USP34: variants seen among roughly 807,000 people sequenced by gnomAD.
USP34 encodes the protein ubiquitin carboxyl-terminal hydrolase 34.
USP34 carries 70 observed loss-of-function variants against 460.3 expected under a neutral mutation model. That is an observed-to-expected ratio of 0.15 (90% confidence interval 0.13 to 0.19). USP34 has a LOEUF of 0.19. Ranked by LOEUF, USP34 falls within the 10% of genes least tolerant of loss-of-function variation. The pLI, the probability that USP34 is intolerant of heterozygous loss-of-function variation, is 1.00. For missense variants in USP34, 3,985 were observed against 4,236.2 expected (o/e 0.94, Z 1.65); for synonymous variants, 1,647 against 1,405.3 (o/e 1.17, Z -3.85).
At chr2:61,414,387 A>G (rs1338309489) in intron 2 of USP34, among the ~76,000 whole-genome samples, 1 of 152,212 alleles carries the variant, frequency 6.6e-6, no homozygotes, top group African/African-American at 2.4e-5. Flanking sequence ...TTCTGCAAGC[A>G]ATTTTCCAAT....
At chr2:61,460,803 A>T (rs562142806) in intron 1 of USP34, among the ~76,000 whole-genome samples, 2 of 151,972 alleles carry the variant, frequency 1.3e-5, no homozygotes, top group African/African-American at 4.8e-5. Flanking sequence ...GCCAACATGG[A>T]GAAACTCTGT....
At position 61,347,857 on chromosome 2, in the gene USP34, G is replaced by A. The variant is rs766527942; in HGVS notation, c.2285+13C>T. 5 of 1,609,168 alleles carry A rather than the reference G, an allele frequency of 3.1e-6. No homozygotes were observed. Among genetic ancestry groups the A allele is most frequent in the Non-Finnish European group, 3.4e-6 (4 of 1,176,762 alleles). On this transcript the variant is annotated intron_variant, in intron 15 of 79. Coordinates refer to ENST00000398571, the MANE Select transcript of USP34 (RefSeq NM_014709.4). Reference sequence around the variant, plus strand: ...GAAATATGAACTGAATATTTATTTTGAAGTAGGCTTACCCATCGTGGTGGT... The same window carrying A: ...GAAATATGAACTGAATATTTATTTTAAAGTAGGCTTACCCATCGTGGTGGT...
At chr2:61,278,057 G>C (rs1344860105) in intron 41 of USP34, 108 bp downstream of exon 41, 3 of 1,338,144 alleles carry the variant, frequency 2.2e-6, no homozygotes, top group Non-Finnish European at 3.1e-6. Context: ...AAACTGCCCA[G>C]TCTCGGGTAT....
intron 1 of USP34, among the ~76,000 whole-genome samples, chr2:61,461,834 G>A (rs999591270): frequency 6.6e-6 from 1 of 152,070 alleles, no homozygotes; most frequent in South Asian, 2.1e-4. Context: ...AAAGAACCAG[G>A]GATGTAGATA....
intron 28 of USP34, 97 bp from the exon 29 acceptor site, chr2:61,301,257 C>G (rs1238149481): frequency 1.3e-6 from 2 of 1,511,786 alleles, no homozygotes; most frequent in Non-Finnish European, 1.8e-6. Flanking sequence ...TTTAATATAA[C>G]AAAGCAATAA....
At chr2:61,409,959 C>CT (rs1431015914) in intron 2 of USP34, among the ~76,000 whole-genome samples, 2 of 151,990 alleles carry the variant, frequency 1.3e-5, no homozygotes, top group Admixed American at 1.3e-4. Context: ...ATAAATAATA[C>CT]TTTTTATTCT....
In USP34 at chr2:61,296,821, G is replaced by C; in HGVS notation, c.4233C>G (p.Phe1411Leu). 2 of 1,613,194 alleles carry C rather than the reference G, an allele frequency of 1.2e-6. No individual in the cohort carries two copies. The highest frequency in any genetic ancestry group is 1.7e-6 in the Non-Finnish European group (2 of 1,179,676). ...TCACCTGCTCATCTGAGATATTCTG[G>C]AATGCCATCAACATATTAGGACATG... ...LPTCPNMLMAFQNISDEQSND... is the reference protein window; with the variant it reads ...LPTCPNMLMALQNISDEQSND... The change falls in exon 30 of 80, where the codon TTC becomes TTG. Residue 1411 changes from phenylalanine (F) to leucine (L), a missense_variant. Phe to Leu is a conservative substitution (Grantham distance 22, BLOSUM62 0). This residue lies in a region of USP34 where 1,114 missense variants were observed against 1,122.5 expected (regional missense o/e 0.99). Transcript: ENST00000398571.
At chr2:61,425,835 C>G (rs566369405) in intron 1 of USP34, among the ~76,000 whole-genome samples, 1 of 151,966 alleles carries the variant, frequency 6.6e-6, no homozygotes, top group South Asian at 2.1e-4. Flanking sequence ...CCCTTCCCCT[C>G]GACAGGCTGC....
chr2:61,353,513 TC>T (rs1692014409), intron 10 of USP34, among the ~76,000 whole-genome samples: 2 of 151,018 alleles, frequency 1.3e-5, no homozygotes. Context: ...TGCCTCAGCC[TC>T]CCAAGTAGCT....
intron 75 of USP34, among the ~76,000 whole-genome samples, chr2:61,195,424 A>G (rs950318865): frequency 2.0e-5 from 3 of 149,944 alleles, no homozygotes; most frequent in East Asian, 2.0e-4. Context: ...CTGTAACCCC[A>G]GCACTTTGGG....
chr2:61,209,105 G>A (rs932359062), intron 69 of USP34, 128 bp from the exon 70 acceptor site: 2 of 451,980 alleles, frequency 4.4e-6, no homozygotes, highest in Non-Finnish European at 7.8e-6. Flanking sequence ...AAAAGAGACT[G>A]CTTCATCTGT....
At chr2:61,247,167 T>G (rs1349794160) in intron 49 of USP34, among the ~76,000 whole-genome samples, 1 of 151,430 alleles carries the variant, frequency 6.6e-6, no homozygotes, top group Admixed American at 6.6e-5. Flanking sequence ...AAATGTAGAG[T>G]GGTCTAATAA....
At chr2:61,369,711 G>A (rs1572975359) in intron 10 of USP34, among the ~76,000 whole-genome samples, 1 of 117,624 alleles carries the variant, frequency 8.5e-6, no homozygotes, top group East Asian at 2.6e-4. Context: ...TTTACAAGAA[G>A]ATAAAAAGCA....
intron 1 of USP34, among the ~76,000 whole-genome samples, chr2:61,423,868 A>C (rs1167714210): frequency 6.6e-6 from 1 of 152,202 alleles, no homozygotes; most frequent in African/African-American, 2.4e-5. Context: ...AACGTGGGAG[A>C]ATGGCTTGAG....
Position 61,396,910 on chromosome 2 carries a change from T to C in USP34, c.553-1677A>G, listed in dbSNP as rs557700836. 3.9e-5 allele frequency among the ~76,000 whole-genome samples: 6 copies of C among 152,308 alleles called. No homozygotes were observed. In the East Asian group the frequency reaches 1.2e-3, roughly 29 times the overall value. On this transcript the variant is annotated intron_variant, in intron 3 of 79. Transcript: ENST00000398571. ...CTGTAAATCTACTGAAAATAAACTG[T>C]ATACTTTAATCAAGTGATTTTTAAG...
intron 10 of USP34, among the ~76,000 whole-genome samples, chr2:61,360,658 T>G (rs551374695): frequency 6.6e-6 from 1 of 152,202 alleles, no homozygotes; most frequent in Non-Finnish European, 1.5e-5. Context: ...AAAATCTCAA[T>G]GGCAGTCTTT....
At position 61,347,935 on chromosome 2, in the gene USP34, A is replaced by G; in HGVS notation, c.2220T>C (p.Asn740=). 6.2e-7 allele frequency: 1 copy of G among 1,614,086 alleles called. No individual in the cohort carries two copies. The highest frequency in any genetic ancestry group is 8.5e-7 in the Non-Finnish European group (1 of 1,180,020). ...GCTGTGGACCAATAAATTGTCGACA[A>G]TTAAATAATTCATTCCCAATAGTCT... The part of the protein sequence containing the change: ...LGETIGNELF[N]CRQFIGPQHH... The change falls in exon 15 of 80, where the codon AAT becomes AAC. Residue 740 remains asparagine (N), a synonymous_variant. Coordinates refer to ENST00000398571, the MANE Select transcript of USP34 (RefSeq NM_014709.4).
chr2:61,191,312 CTCCATAGA>C (rs1396611525), intron 76 of USP34: 1 of 152,144 alleles, frequency 6.6e-6, no homozygotes, highest in Non-Finnish European at 1.5e-5. Context: ...AGCAGATACA[CTCCATAGA>C]TTTAAATGTG....
At chr2:61,352,085 G>T (rs1456693444) in intron 10 of USP34, among the ~76,000 whole-genome samples, 1 of 152,118 alleles carries the variant, frequency 6.6e-6, no homozygotes, top group Non-Finnish European at 1.5e-5. Flanking sequence ...ATACTTACCA[G>T]TTGAAGATCT....
Sources: gnomAD v4.1 joint callset for allele counts (sites outside exome capture counted in the v4.1 genomes callset) on GRCh38, gnomAD v4.1.1 for gene constraint, gnomAD v4.1.1 regional missense constraint, MANE v1.5 for transcripts, NCBI Gene and HGNC (gene_info 2026-07-23, HGNC 2026-07-21) for gene names.